The following TCF3 variants were observed in gnomAD, a reference collection of about 807,000 sequenced individuals.
The protein encoded by TCF3 is transcription factor 3.
In TCF3, 54 loss-of-function variants were observed where a neutral mutation model predicts 72.3. The observed-to-expected ratio is 0.75, with a 90% CI of 0.60 to 0.94. TCF3 has a LOEUF of 0.94. Ranked by LOEUF, TCF3 falls within the 40% of genes least tolerant of loss-of-function variation. TCF3 has a pLI of 0.00. For missense variants in TCF3, 1,078 were observed against 934.4 expected (o/e 1.15, Z -2.00); for synonymous variants, 525 against 412.6 (o/e 1.27, Z -3.30).
intron 13 of TCF3, among the ~76,000 whole-genome samples, chr19:1,620,370 C>A (rs190674001): frequency 6.6e-6 from 1 of 152,144 alleles, no homozygotes; most frequent in Admixed American, 6.5e-5. Context: ...CGACCCCCTG[C>A]GGATAAGCAA....
At chr19:1,622,440 G>A (rs748654341) in intron 8 of TCF3, 25 bp from the exon 9 acceptor site, 14 of 1,238,210 alleles carry the variant, frequency 1.1e-5, no homozygotes, top group African/African-American at 6.2e-5. Flanking sequence ...GCGGTGGGGG[G>A]TGCAGTCAGG....
rs771404643 is a variant in TCF3, at chr19:1,627,350, G to A, written c.366+9C>T. ...CAAAATACACCCCAGCCCGGCCCGAGCCCCTCACCTGAGTCAGGCCGCCCA... is the reference window on the plus strand; with the variant it reads ...CAAAATACACCCCAGCCCGGCCCGAACCCCTCACCTGAGTCAGGCCGCCCA... On this transcript the variant is annotated intron_variant, in intron 6 of 18. Transcript: ENST00000262965. 6 of 1,607,160 alleles carry A rather than the reference G, an allele frequency of 3.7e-6. No homozygotes were observed. The highest frequency in any genetic ancestry group is 1.7e-5 in the Admixed American group (1 of 59,524).
At chr19:1,646,774 T>C (rs1405838379) in intron 2 of TCF3, among the ~76,000 whole-genome samples, 12 of 152,214 alleles carry the variant, frequency 7.9e-5, no homozygotes. Flanking sequence ...GGATACAACT[T>C]ATCAGCTCTT....
At chr19:1,634,402 A>T (rs1040246887) in intron 3 of TCF3, among the ~76,000 whole-genome samples, 1 of 152,248 alleles carries the variant, frequency 6.6e-6, no homozygotes, top group Non-Finnish European at 1.5e-5. Flanking sequence ...GCCCTGGGCC[A>T]GCCTGGCTGC....
At chr19:1,638,936 C>G (rs1205039358) in intron 3 of TCF3, among the ~76,000 whole-genome samples, 1 of 152,212 alleles carries the variant, frequency 6.6e-6, no homozygotes, top group Non-Finnish European at 1.5e-5. Context: ...CGACCAAAGA[C>G]AGTTTTGAAA....
intron 3 of TCF3, among the ~76,000 whole-genome samples, chr19:1,635,482 A>G (rs1240313318): frequency 6.6e-6 from 1 of 151,848 alleles, no homozygotes; most frequent in East Asian, 1.9e-4. Flanking sequence ...CTCTTCCCCA[A>G]CACAGGAGGT....
rs948838265 is a variant in TCF3, at chr19:1,622,045, G to A, written c.822+9C>T. 6.2e-7 allele frequency: 1 copy of A among 1,601,264 alleles called. No individual in the cohort carries two copies. Among genetic ancestry groups the A allele is most frequent in the Non-Finnish European group, 8.5e-7 (1 of 1,175,422 alleles). On this transcript the variant is annotated intron_variant, in intron 10 of 18. Coordinates refer to ENST00000262965, the MANE Select transcript of TCF3 (RefSeq NM_003200.5). ...CCGCCCACCCCCTGCCCCCTGCCCT[G>A]GGTCCTACCATACGCTCGTGCTGGT...
In TCF3 at chr19:1,611,399, C is replaced by T. The variant is rs1370564747; in HGVS notation, c.*308G>A. ...AAAAAAAAAAAATGCTCCTGTCAGC[C>T]CAGGCAACAGGGCCAAGATGCAGTT... is the stretch of plus-strand genomic sequence containing the variant. On this transcript the variant is annotated 3_prime_UTR_variant, in exon 19 of 19. Coordinates refer to ENST00000262965, the MANE Select transcript of TCF3 (RefSeq NM_003200.5). The T allele has an allele frequency of 2.5e-6, 1 of 404,188 alleles. No individual in the cohort carries two copies. The highest frequency in any genetic ancestry group is 3.5e-5 in the East Asian group (1 of 28,300). The allele number at this position is 404,188 out of a possible 1,614,324, so 25.0% of individuals were successfully genotyped here. A position where few individuals can be genotyped will look rare whatever the true frequency, so the allele number is the denominator to read the frequency against.
intron 3 of TCF3, 85 bp downstream of exon 3, chr19:1,646,270 C>T: frequency 5.7e-6 from 8 of 1,406,846 alleles, no homozygotes; most frequent in Non-Finnish European, 6.8e-6. Context: ...CCTTTGCTGC[C>T]CCAGCCTCCC....
chr19:1,646,953 G>A (rs2066205958), intron 2 of TCF3, among the ~76,000 whole-genome samples: 1 of 152,092 alleles, frequency 6.6e-6, no homozygotes, highest in Non-Finnish European at 1.5e-5. Flanking sequence ...GGTCCCTGGA[G>A]CGGGGGGTAG....
In TCF3 at chr19:1,615,455, C is replaced by A. The variant is rs1245686056; in HGVS notation, c.1652G>T (p.Arg551Leu). The A allele has an allele frequency of 6.2e-7, 1 of 1,613,038 alleles. No individual in the cohort carries two copies. The highest frequency in any genetic ancestry group is 8.5e-7 in the Non-Finnish European group (1 of 1,180,002). The change falls in exon 18 of 19, where the codon CGG (arginine) becomes CTG (leucine). Residue 551 changes from arginine to leucine, a missense_variant. Physicochemically the swap from Arg to Leu is moderately radical, Grantham distance 102. Transcript: ENST00000262965. This position sits in a 1 kb window ranked among gnomAD's most constrained non-coding sequence, Gnocchi z 7.3. ...EQKAEREKER[R>L]VANNARERLR... ...CCGCTCCCGGGCGTTATTGGCCACC[C>A]GGCGCTCCTTCTCCCGCTCGGCCTT...
chr19:1,612,564 GGTGTTGGTGGGCACAGCA>G lies in TCF3; in HGVS notation c.1823-733_1823-716del, dbSNP rs1425308483. The stretch of plus-strand genomic sequence containing the variant: ...TGGGCAGCAGTGTGGGTACACGGCT[GGTGTTGGTGGGCACAGCA>G]GTGTGGGCAGCAGTGCAGGTACATG... On this transcript the variant is annotated intron_variant, in intron 18 of 18. Transcript: ENST00000262965. The G allele has an allele frequency of 2.3e-3, 1,901 of 837,980 alleles. 13 individuals are homozygous for G. The highest frequency in any genetic ancestry group is 3.0e-3 in the South Asian group (178 of 60,110). The allele number at this position is 837,980 out of a possible 1,614,324, so 51.9% of individuals were successfully genotyped here.
At chr19:1,643,033 G>A (rs1027717932) in intron 3 of TCF3, among the ~76,000 whole-genome samples, 3 of 152,122 alleles carry the variant, frequency 2.0e-5, no homozygotes, top group South Asian at 2.1e-4. Context: ...GGTGTCTCCC[G>A]TGGCCTCAGA....
chr19:1,613,410 G>A (rs1341147387), intron 18 of TCF3, among the ~76,000 whole-genome samples: 1 of 152,112 alleles, frequency 6.6e-6, no homozygotes, highest in African/African-American at 2.4e-5. Flanking sequence ...GAGCCCACAG[G>A]GTAACTGCTT....
chr19:1,619,065 C>A (rs1382545693), intron 16 of TCF3, 46 bp downstream of exon 16: 2 of 1,598,312 alleles, frequency 1.3e-6, no homozygotes, highest in Non-Finnish European at 1.7e-6. Context: ...CCTCAGTTTC[C>A]CCAACTGGAA....
chr19:1,627,774 G>T (rs867576829), intron 5 of TCF3, among the ~76,000 whole-genome samples: 4 of 139,938 alleles, frequency 2.9e-5, no homozygotes, highest in Admixed American at 7.0e-5. Flanking sequence ...CAGAGCTCAC[G>T]GGGTGAGGTG....
chr19:1,621,330 G>C (rs970568407), intron 11 of TCF3, 139 bp from the exon 12 acceptor site: 3 of 1,101,036 alleles, frequency 2.7e-6, no homozygotes, highest in Non-Finnish European at 3.8e-6. Flanking sequence ...GTTTCTGTCT[G>C]ACCCCCTGAA....
chr19:1,646,870 G>C (rs1017434114), intron 2 of TCF3, among the ~76,000 whole-genome samples: 18 of 152,244 alleles, frequency 1.2e-4, no homozygotes, highest in Non-Finnish European at 2.2e-4. Context: ...AGAGTCCCCG[G>C]ATGCCTGAGC....
intron 13 of TCF3, among the ~76,000 whole-genome samples, chr19:1,620,528 G>C (rs992255588): frequency 1.3e-5 from 2 of 152,194 alleles, no homozygotes; most frequent in Non-Finnish European, 2.9e-5. Context: ...TGGCGATGCT[G>C]GCCCCATCGG....
Sources: allele counts gnomAD v4.1 joint callset (sites outside exome capture counted in the v4.1 genomes callset), GRCh38; gene constraint gnomAD v4.1.1; non-coding constraint Gnocchi (gnomAD v3.1); transcripts MANE v1.5; gene names NCBI Gene and HGNC (gene_info 2026-07-23, HGNC 2026-07-21).